Variants in EBF3 observed in about 807,000 individuals in gnomAD.
The protein encoded by EBF3 is EBF transcription factor 3.
In EBF3, 18 loss-of-function variants were observed where a neutral mutation model predicts 77.1. That is an observed-to-expected ratio of 0.23 (90% confidence interval 0.16 to 0.35). EBF3 has a LOEUF of 0.35. EBF3 is among the 10% of genes least tolerant of loss of function. EBF3 has a pLI of 1.00. For missense variants in EBF3, 558 were observed against 860.0 expected (o/e 0.65, Z 4.39); for synonymous variants, 350 against 343.5 (o/e 1.02, Z -0.21).
chr10:129,933,582 AG>A (rs554888253), intron 6 of EBF3, among the ~76,000 whole-genome samples: 130 of 152,330 alleles, frequency 8.5e-4, no homozygotes, highest in African/African-American at 3.0e-3. Context: ...TTGAGCTGGA[AG>A]GGAATCCCGC....
chr10:129,861,451 C>G lies in EBF3; in HGVS notation c.1039+5690G>C, dbSNP rs1851631251. Among the ~76,000 whole-genome samples the G allele has an allele frequency of 6.6e-6, 1 of 152,120 alleles. No homozygotes were observed. Among genetic ancestry groups the G allele is most frequent in the African/African-American group, 2.4e-5 (1 of 41,420 alleles). On this transcript the variant is annotated intron_variant, in intron 10 of 16. Transcript: ENST00000440978. The surrounding 1 kb of genome is among the most constrained non-coding windows in gnomAD (Gnocchi z 4.3). ...GTGATTATCCCGATTCTGGGCAGGT[C>G]CAGAGTCAGCCTGAGCTGAACACAC...
chr10:129,906,787 G>A (rs1196509445), intron 6 of EBF3, among the ~76,000 whole-genome samples: 3 of 151,934 alleles, frequency 2.0e-5, no homozygotes, highest in Middle Eastern at 3.4e-3. Context: ...AATGTCCAGT[G>A]TATATAATCT....
In EBF3 at chr10:129,948,715, A is replaced by G. The variant is rs112528698; in HGVS notation, c.554+8543T>C. Among the ~76,000 whole-genome samples, 276 of 152,328 alleles carry G rather than the reference A, an allele frequency of 1.8e-3. 1 individual carries two copies. The highest frequency in any genetic ancestry group is 6.4e-3 in the African/African-American group (267 of 41,564). ...CACTGCTCTAAAAAATAGTCTATTC[A>G]GTGTTTTTAAAGCGTTATGAGAACA... On this transcript the variant is annotated intron_variant, in intron 6 of 16. Transcript: ENST00000440978.
At chr10:129,934,580 C>A (rs1857235171) in intron 6 of EBF3, among the ~76,000 whole-genome samples, 1 of 152,126 alleles carries the variant, frequency 6.6e-6, no homozygotes, top group Non-Finnish European at 1.5e-5. Context: ...AGCTCATTTG[C>A]ATACTATTAA....
At chr10:129,868,133 G>A (rs954151137) in intron 8 of EBF3, among the ~76,000 whole-genome samples, 7 of 152,232 alleles carry the variant, frequency 4.6e-5, no homozygotes, top group East Asian at 1.9e-4. Context: ...ACTAGTGAGC[G>A]AGAAAAAAAT....
At chr10:129,957,388 AT>A (rs36101167) in intron 5 of EBF3, 62 bp from the exon 6 acceptor site, 25,362 of 1,151,208 alleles carry the variant, frequency 0.022, 16 homozygotes, top group Non-Finnish European at 0.026. Context: ...CCCGACTTGT[AT>A]TTTTTTTTTT....
intron 6 of EBF3, among the ~76,000 whole-genome samples, chr10:129,954,385 G>A (rs536423403): frequency 3.9e-5 from 6 of 151,920 alleles, no homozygotes; most frequent in Middle Eastern, 6.8e-3. Flanking sequence ...TGCATGAAAT[G>A]GTTTTGTAAT....
At position 129,938,370 on chromosome 10, in the gene EBF3, T is replaced by C. The variant is rs1857502024; in HGVS notation, c.554+18888A>G. Among the ~76,000 whole-genome samples, 1 of 121,304 alleles carries C rather than the reference T, an allele frequency of 8.2e-6. No individual in the cohort carries two copies. The highest frequency in any genetic ancestry group is 3.2e-5 in the African/African-American group (1 of 30,834). 79.6% of individuals were successfully genotyped at this position (121,304 alleles called of 152,430 possible). A position where few individuals can be genotyped will look rare whatever the true frequency, so the allele number is the denominator to read the frequency against. On this transcript the variant is annotated intron_variant, in intron 6 of 16. Coordinates refer to ENST00000440978, the MANE Select transcript of EBF3 (RefSeq NM_001375380.1). The surrounding 1 kb of genome is among the most constrained non-coding windows in gnomAD (Gnocchi z 5.1). ...GCCTGGGCAACATGGCAAAACCCCA[T>C]CTCTATTTAAAAAAAAAAAAAAAAA...
rs773891513 is a variant in EBF3, at chr10:129,848,407, G to A, written c.1113C>T (p.Pro371=). 1.2e-5 allele frequency: 20 copies of A among 1,613,992 alleles called. No individual in the cohort carries two copies. The Admixed American group carries it at 2.2e-4, about 17-fold the overall frequency. Residue 371 remains proline, a synonymous_variant, in exon 11 of 17, where the codon CCC becomes CCT. Transcript: ENST00000440978. The surrounding 1 kb of genome is among the most constrained non-coding windows in gnomAD (Gnocchi z 4.4). ...QKVIPRHPGD[P]ERLPKEVLLK... ...TTTTACTAACCTTGGGTAACCTTTC[G>A]GGATCACCCGGATGTCTTGGGATCA... is the stretch of plus-strand genomic sequence containing the variant.
chr10:129,927,619 CA>C (rs1856761322), intron 6 of EBF3, among the ~76,000 whole-genome samples: 1 of 152,202 alleles, frequency 6.6e-6, no homozygotes, highest in Admixed American at 6.5e-5. Flanking sequence ...TGACATCTCC[CA>C]CCCTGAACCC....
At chr10:129,902,488 G>A (rs897655779) in intron 6 of EBF3, among the ~76,000 whole-genome samples, 15 of 151,914 alleles carry the variant, frequency 9.9e-5, no homozygotes, top group African/African-American at 2.4e-4. Flanking sequence ...ATATGGGACC[G>A]GTCACAATGG....
Position 129,898,602 on chromosome 10 carries a change from G to T in EBF3, c.555-20753C>A, listed in dbSNP as rs569110237. Among the ~76,000 whole-genome samples, 4 of 152,278 alleles carry T rather than the reference G, an allele frequency of 2.6e-5. 1 individual carries two copies. In the South Asian group the frequency reaches 8.3e-4, roughly 32 times the overall value. On this transcript the variant is annotated intron_variant, in intron 6 of 16. Transcript: ENST00000440978. ...ATTAACCACATTATAAACTGACTTT[G>T]GTAAAGTAGCATTTATTTAAAACTA...
chr10:129,886,181 T>TA (rs941412680), intron 6 of EBF3, among the ~76,000 whole-genome samples: 12 of 152,066 alleles, frequency 7.9e-5, no homozygotes, highest in Non-Finnish European at 1.3e-4. Flanking sequence ...GAATTATTAA[T>TA]AAAAAAATCA....
rs544735954 is a variant in EBF3 at position 129,862,026 on chromosome 10, G to A, written c.1039+5115C>T. Reference sequence around the variant, plus strand: ...CCATGAGTGCTTTCACAAGGGGAGTGAAGTGGGACTAAATTGTGGACACCC... The same window carrying A: ...CCATGAGTGCTTTCACAAGGGGAGTAAAGTGGGACTAAATTGTGGACACCC... On this transcript the variant is annotated intron_variant, in intron 10 of 16. Coordinates refer to ENST00000440978, the MANE Select transcript of EBF3 (RefSeq NM_001375380.1). Among the ~76,000 whole-genome samples the A allele has an allele frequency of 2.4e-4, 36 of 152,276 alleles. 1 individual carries two copies. In the South Asian group the frequency reaches 7.5e-3, roughly 32 times the overall value.
At chr10:129,883,107 T>C (rs892819355) in intron 6 of EBF3, among the ~76,000 whole-genome samples, 2 of 152,216 alleles carry the variant, frequency 1.3e-5, no homozygotes, top group Non-Finnish European at 1.5e-5. Flanking sequence ...TCAGGAACCC[T>C]GTACAGGATT....
chr10:129,892,560 C>T (rs971123169), intron 6 of EBF3, among the ~76,000 whole-genome samples: 4 of 152,074 alleles, frequency 2.6e-5, no homozygotes, highest in Admixed American at 2.0e-4. Context: ...TGTTTATGTG[C>T]GTTACAAATT....
intron 6 of EBF3, among the ~76,000 whole-genome samples, chr10:129,918,386 C>T (rs1589856196): frequency 6.6e-6 from 1 of 152,124 alleles, no homozygotes; most frequent in Non-Finnish European, 1.5e-5. Flanking sequence ...TTTCACAAGG[C>T]CTCATGTTTA....
intron 6 of EBF3, among the ~76,000 whole-genome samples, chr10:129,908,078 A>G (rs747922363): frequency 6.6e-6 from 1 of 152,180 alleles, no homozygotes. Context: ...TCACTAAGAA[A>G]AGCATAAATA....
At chr10:129,931,554 T>C (rs1346196150) in intron 6 of EBF3, among the ~76,000 whole-genome samples, 1 of 152,266 alleles carries the variant, frequency 6.6e-6, no homozygotes, top group Non-Finnish European at 1.5e-5. Context: ...TTGACTTCCC[T>C]GTCTGGGGCC....
Sources: gnomAD v4.1 joint callset for allele counts (sites outside exome capture counted in the v4.1 genomes callset) on GRCh38, gnomAD v4.1.1 for gene constraint, Gnocchi (gnomAD v3.1) non-coding constraint, MANE v1.5 for transcripts, NCBI Gene and HGNC (gene_info 2026-07-23, HGNC 2026-07-21) for gene names.